VPS37A: variants seen among roughly 807,000 people sequenced by gnomAD.
VPS37A encodes VPS37A subunit of ESCRT-I.
VPS37A carries 30 observed loss-of-function variants against 49.8 expected under a neutral mutation model. The ratio of observed to expected loss-of-function variants is 0.60; its 90% CI spans 0.45 to 0.82. The LOEUF is 0.82. Ranked by LOEUF, VPS37A falls within the 40% of genes least tolerant of loss-of-function variation. The pLI, the probability that VPS37A is intolerant of heterozygous loss-of-function variation, is 0.00. For missense variants in VPS37A, 593 were observed against 464.4 expected, an observed-to-expected ratio of 1.28 and a Z score of -2.55; for synonymous variants, 195 against 160.6, an observed-to-expected ratio of 1.21 and a Z score of -1.62.
chr8:17,307,169 A>T (rs10107578), downstream of VPS37A, among the ~76,000 whole-genome samples: 1 of 151,824 alleles, frequency 6.6e-6, no homozygotes, highest in African/African-American at 2.4e-5. Flanking sequence ...CCAGAATCTA[A>T]AATGAACTCA....
In VPS37A at chr8:17,265,930, T is replaced by C; in HGVS notation, c.149T>C (p.Val50Ala). ...HSSIAEIQKDVEYRLPFTINN... is the reference protein window; with the variant it reads ...HSSIAEIQKDAEYRLPFTINN... The stretch of plus-strand genomic sequence containing the variant: ...AGTATAGCCGAAATACAGAAAGATG[T>C]GGAATACAGATTGCCATTCACCATA... Residue 50 changes from valine (V) to alanine (A), a missense_variant, in exon 2 of 12, where the codon GTG (valine) becomes GCG (alanine). Transcript: ENST00000324849. 6.2e-7 allele frequency: 1 copy of C among 1,613,500 alleles called. No individual in the cohort carries two copies. Among genetic ancestry groups the C allele is most frequent in the Non-Finnish European group, 8.5e-7 (1 of 1,179,684 alleles).
At chr8:17,286,705 C>G (rs1815626812) in intron 11 of VPS37A, 1 of 303,796 alleles carries the variant, frequency 3.3e-6, no homozygotes, top group Admixed American at 4.7e-5. Flanking sequence ...GTTCCTTTCT[C>G]TCACCTGGTG....
chr8:17,248,808 A>G (rs1362961483), intron 1 of VPS37A, among the ~76,000 whole-genome samples: 1 of 152,074 alleles, frequency 6.6e-6, no homozygotes, highest in African/African-American at 2.4e-5. Flanking sequence ...CAAAAGGTGA[A>G]ATTTTATGCT....
downstream of VPS37A, among the ~76,000 whole-genome samples, chr8:17,303,032 C>T (rs1586133646): frequency 6.6e-6 from 1 of 151,974 alleles, no homozygotes; most frequent in East Asian, 1.9e-4. Context: ...TTTTATCCTA[C>T]ACAAAAAAGC....
chr8:17,302,015 A>C (rs1817149767), downstream of VPS37A: 2 of 1,107,698 alleles, frequency 1.8e-6, no homozygotes, highest in African/African-American at 3.1e-5. Context: ...CCTGACCTGG[A>C]TGGGGTTGTG....
chr8:17,274,407 T>C (rs1439296754), intron 4 of VPS37A, among the ~76,000 whole-genome samples: 1 of 152,194 alleles, frequency 6.6e-6, no homozygotes, highest in Non-Finnish European at 1.5e-5. Context: ...GAGATACTGA[T>C]TGATAGCAGT....
At chr8:17,293,699 A>G (rs1167806713) in intron 11 of VPS37A, among the ~76,000 whole-genome samples, 2 of 152,020 alleles carry the variant, frequency 1.3e-5, no homozygotes, top group African/African-American at 2.4e-5. Flanking sequence ...TTGTCTTTCT[A>G]ACAAGCCCCT....
intron 6 of VPS37A, chr8:17,279,577 A>G (rs1036895544): frequency 6.9e-6 from 2 of 288,232 alleles, no homozygotes; most frequent in East Asian, 1.8e-4. Flanking sequence ...TTCTCAAGCA[A>G]TTAAGTTAAA....
At position 17,297,901 on chromosome 8, in the gene VPS37A, A is replaced by G. The variant is rs891498696; in HGVS notation, c.*2915A>G. 1 of 152,070 alleles carries G rather than the reference A, an allele frequency of 6.6e-6. No individual in the cohort carries two copies. Among genetic ancestry groups the G allele is most frequent in the Non-Finnish European group, 1.5e-5 (1 of 67,910 alleles). 9.4% of individuals were successfully genotyped at this position (152,070 alleles called of 1,614,324 possible). A position where few individuals can be genotyped will look rare whatever the true frequency, so the allele number is the denominator to read the frequency against. ...AATTATAATGTCTGTCTTGTAAAAAAGTTGAGGGGACTAAAAGTTTATGAC... is the reference window on the plus strand; with the variant it reads ...AATTATAATGTCTGTCTTGTAAAAAGGTTGAGGGGACTAAAAGTTTATGAC... On this transcript the variant is annotated 3_prime_UTR_variant, in exon 12 of 12. Transcript: ENST00000324849.
chr8:17,247,362 C>T lies in VPS37A; in HGVS notation c.118C>T (p.His40Tyr), dbSNP rs935663204. ...CCTGATCGAGTCCCTCCGGAACTCACACTCCAGGTGACTGGTCGCTGCCTC... is the reference window on the plus strand; with the variant it reads ...CCTGATCGAGTCCCTCCGGAACTCATACTCCAGGTGACTGGTCGCTGCCTC... ...QRLIESLRNS[H>Y]SSIAEIQKDV... Residue 40 changes from histidine to tyrosine, a missense_variant, in exon 1 of 12, where the codon CAC (histidine) becomes TAC (tyrosine). Transcript: ENST00000324849. 4 of 1,549,394 alleles carry T rather than the reference C, an allele frequency of 2.6e-6. No homozygotes were observed. Among genetic ancestry groups the T allele is most frequent in the African/African-American group, 1.4e-5 (1 of 72,776 alleles).
the VPS37A span, among the ~76,000 whole-genome samples, chr8:17,315,623 G>A: frequency 6.6e-6 from 1 of 152,038 alleles, no homozygotes; most frequent in African/African-American, 2.4e-5. Context: ...ATCTAAAACT[G>A]CTCTTAAAAA....
chr8:17,284,162 G>A (rs890950506), intron 9 of VPS37A, among the ~76,000 whole-genome samples: 1 of 152,154 alleles, frequency 6.6e-6, no homozygotes, highest in Non-Finnish European at 1.5e-5. Context: ...GTCATTAGTG[G>A]AGCGTCTCCT....
At chr8:17,276,597 T>C (rs1814536145) in intron 6 of VPS37A, 130 bp downstream of exon 6, 2 of 874,168 alleles carry the variant, frequency 2.3e-6, no homozygotes, top group Non-Finnish European at 3.4e-6. Context: ...GTTGTTGCCT[T>C]AGTGGGATTT....
intron 1 of VPS37A, among the ~76,000 whole-genome samples, chr8:17,252,319 T>C (rs941352548): frequency 2.6e-5 from 4 of 151,986 alleles, no homozygotes; most frequent in Admixed American, 2.0e-4. Context: ...GCCTGGCTCA[T>C]AAGTTTAATT....
intron 1 of VPS37A, 177 bp from the exon 2 acceptor site, chr8:17,265,730 G>T: frequency 6.7e-7 from 1 of 1,501,900 alleles, no homozygotes; most frequent in Non-Finnish European, 9.0e-7. Context: ...GTGCTTAGAT[G>T]ATGAGCCTTT....
chr8:17,280,341 T>C (rs1197746771), intron 8 of VPS37A, 34 bp from the exon 9 acceptor site: 5 of 1,602,782 alleles, frequency 3.1e-6, no homozygotes, highest in South Asian at 1.1e-5. Flanking sequence ...AATTTAAAAA[T>C]AGAATAAAAC....
chr8:17,296,713 C>CTACT lies in VPS37A; in HGVS notation c.*1729_*1732dup, dbSNP rs1350016388. On this transcript the variant is annotated 3_prime_UTR_variant, in exon 12 of 12. Transcript: ENST00000324849. ...AGATAAACATTGTTTAGATGCTTAT[C>CTACT]TACTTTCCTTTTCACCAGAAAAACA... 1 of 152,136 alleles carries CTACT rather than the reference C, an allele frequency of 6.6e-6. No homozygotes were observed. The highest frequency in any genetic ancestry group is 2.4e-5 in the African/African-American group (1 of 41,428). 9.4% of individuals were successfully genotyped at this position (152,136 alleles called of 1,614,324 possible).
chr8:17,304,344 T>C (rs369418367), downstream of VPS37A: 46 of 1,598,410 alleles, frequency 2.9e-5, no homozygotes, highest in Non-Finnish European at 3.9e-5. Flanking sequence ...TCCAAGTTCA[T>C]ACCATGGCTA....
downstream of VPS37A, chr8:17,298,644 C>G (rs1173587660): frequency 1.3e-5 from 2 of 152,178 alleles, no homozygotes; most frequent in Non-Finnish European, 2.9e-5. Flanking sequence ...AAGTTTAATC[C>G]TTTTACATTC....
Sources: allele counts gnomAD v4.1 joint callset (sites outside exome capture counted in the v4.1 genomes callset), GRCh38; gene constraint gnomAD v4.1.1; transcripts MANE v1.5; gene names NCBI Gene and HGNC (gene_info 2026-07-23, HGNC 2026-07-21).